The following HDAC8 variants were observed in gnomAD, a reference collection of about 807,000 sequenced individuals.
HDAC8 encodes the protein histone deacetylase-like 1.
In HDAC8, 1 loss-of-function variant was observed where a neutral mutation model predicts 32.2. The ratio of observed to expected loss-of-function variants is 0.03; its 90% confidence interval spans 0.01 to 0.15. The LOEUF (loss-of-function observed/expected upper bound fraction) is 0.15, where lower values mean the gene tolerates loss of function less well. Ranked by LOEUF, HDAC8 falls within the 10% of genes least tolerant of loss-of-function variation. The probability of loss-of-function intolerance (pLI) is 1.00; values close to 1 mark genes in which losing one functional copy is unlikely to be tolerated. For synonymous variants in HDAC8, 108 were observed against 113.9 expected, an observed-to-expected ratio of 0.95 and a Z score of 0.33; for missense variants, 117 against 300.0, an observed-to-expected ratio of 0.39 and a Z score of 4.51.
chrX:72,368,624 G>C (rs960001274), intron 9 of HDAC8, among the ~76,000 whole-genome samples: 2 of 112,121 alleles, frequency 1.8e-5, no homozygotes, highest in Non-Finnish European at 3.8e-5. Context: ...CAAAGTGCTG[G>C]GATTACAGGC....
intron 9 of HDAC8, among the ~76,000 whole-genome samples, chrX:72,453,148 G>GAAA (rs34701303): frequency 2.2e-5 from 2 of 91,039 alleles, no homozygotes; most frequent in African/African-American, 8.0e-5. Context: ...ATAAAAGACT[G>GAAA]AAAAAAAAAA....
chrX:72,493,565 G>C (rs1194708478), intron 5 of HDAC8, among the ~76,000 whole-genome samples: 1 of 111,680 alleles, frequency 9.0e-6, no homozygotes, highest in Non-Finnish European at 1.9e-5. Context: ...TGGCTAAATA[G>C]TAAACATTTT....
chrX:72,491,973 T>A (rs2048884628), intron 5 of HDAC8, among the ~76,000 whole-genome samples: 1 of 111,967 alleles, frequency 8.9e-6, no homozygotes, highest in African/African-American at 3.2e-5. Context: ...ACAGCGACTT[T>A]AAAAAAATAT....
At chrX:72,487,382 A>C (rs1319959545) in intron 7 of HDAC8, among the ~76,000 whole-genome samples, 2 of 111,872 alleles carry the variant, frequency 1.8e-5, no homozygotes, top group Admixed American at 1.9e-4. Context: ...AAGAAGGATA[A>C]ATAGACTTCC....
chrX:72,459,406 G>T (rs1303235476), intron 9 of HDAC8, among the ~76,000 whole-genome samples: 2 of 110,860 alleles, frequency 1.8e-5, no homozygotes, highest in African/African-American at 6.6e-5. Context: ...AGTAGGGAAC[G>T]GGCATTTGGA....
rs781878660 is a variant in HDAC8, at chrX:72,464,635, G to A, written c.834C>T (p.Asn278=). The change falls in exon 8 of 11, where the codon AAC becomes AAT. Residue 278 remains asparagine, a synonymous_variant. Transcript: ENST00000373573. The part of the protein sequence containing the change: ...TIAGDPMCSF[N]MTPVGIGKCL... ...ACTTGCCAATTCCCACTGGAGTCAT[G>A]TTAAAGGAGCACATGGGATCCCCAG... The A allele has an allele frequency of 4.2e-6, 5 of 1,202,868 alleles. No homozygotes were observed. The African/African-American group carries it at 8.8e-5, about 21-fold the overall frequency.
intron 9 of HDAC8, among the ~76,000 whole-genome samples, chrX:72,359,303 C>T (rs964911489): frequency 2.7e-5 from 3 of 109,897 alleles, no homozygotes; most frequent in Non-Finnish European, 5.7e-5. Context: ...TCCACAGCTC[C>T]TAACATAAGG....
chrX:72,338,941 G>T (rs1331004847), intron 10 of HDAC8, among the ~76,000 whole-genome samples: 2 of 108,514 alleles, frequency 1.8e-5, no homozygotes, highest in Non-Finnish European at 3.8e-5. Flanking sequence ...ACCTATTTTG[G>T]CCTCATCTAT....
At chrX:72,542,650 G>A (rs1556044118) in intron 4 of HDAC8, among the ~76,000 whole-genome samples, 1 of 111,978 alleles carries the variant, frequency 8.9e-6, no homozygotes, top group African/African-American at 3.2e-5. Flanking sequence ...ACACCAAGGA[G>A]TACTGAAAAG....
intron 4 of HDAC8, among the ~76,000 whole-genome samples, chrX:72,549,660 A>C (rs1448805936): frequency 8.9e-6 from 1 of 111,884 alleles, no homozygotes; most frequent in Non-Finnish European, 1.9e-5. Context: ...CCATAAGCAC[A>C]TGAATCTTCA....
At chrX:72,351,165 G>A in intron 10 of HDAC8, 1 of 167,089 alleles carries the variant, frequency 6.0e-6, no homozygotes, top group Non-Finnish European at 1.1e-5. Context: ...AGTGGTGTGG[G>A]CATGGCTCAC....
At chrX:72,419,601 T>C (rs1228288993) in intron 9 of HDAC8, among the ~76,000 whole-genome samples, 3 of 111,731 alleles carry the variant, frequency 2.7e-5, no homozygotes, top group African/African-American at 9.7e-5. Flanking sequence ...ATGCCTTTTA[T>C]TCATTTTTCT....
chrX:72,409,082 C>T lies in HDAC8; in HGVS notation c.1005+52922G>A, dbSNP rs782088368. Among the ~76,000 whole-genome samples, 36 of 112,232 alleles carry T rather than the reference C, an allele frequency of 3.2e-4. No homozygotes were observed. The East Asian group carries it at 8.7e-3, about 27-fold the overall frequency. On this transcript the variant is annotated intron_variant, in intron 9 of 10. Transcript: ENST00000373573. ...TTTTGAACTTTTCTACGTGTATATT[C>T]GTGACTCAAACTCAAATTGCTCTAA...
At chrX:72,477,459 T>C (rs1556001149) in intron 7 of HDAC8, among the ~76,000 whole-genome samples, 1 of 112,221 alleles carries the variant, frequency 8.9e-6, no homozygotes, top group African/African-American at 3.2e-5. Context: ...AGTGATTTGT[T>C]AACAATAAAC....
chrX:72,443,966 C>A (rs1416753363), intron 9 of HDAC8, among the ~76,000 whole-genome samples: 2 of 107,680 alleles, frequency 1.9e-5, no homozygotes, highest in East Asian at 3.0e-4. Context: ...AACACATACA[C>A]CCTCCCAAGA....
intron 4 of HDAC8, among the ~76,000 whole-genome samples, chrX:72,556,629 A>G (rs1556094471): frequency 8.9e-6 from 1 of 112,108 alleles, no homozygotes; most frequent in African/African-American, 3.2e-5. Context: ...AACAAACTTT[A>G]AAGCAACAGC....
At chrX:72,432,405 G>A (rs372396082) in intron 9 of HDAC8, among the ~76,000 whole-genome samples, 5 of 110,711 alleles carry the variant, frequency 4.5e-5, no homozygotes, top group East Asian at 2.9e-4. Flanking sequence ...GTCTGGTCCC[G>A]GCCCATTCCA....
At chrX:72,535,134 A>C (rs1476084389) in intron 4 of HDAC8, among the ~76,000 whole-genome samples, 3 of 112,098 alleles carry the variant, frequency 2.7e-5, no homozygotes, top group Non-Finnish European at 5.6e-5. Context: ...CCTTATTTTC[A>C]GTACTAGCTG....
chrX:72,470,825 T>C (rs1040202266), intron 7 of HDAC8, among the ~76,000 whole-genome samples: 5 of 112,225 alleles, frequency 4.5e-5, no homozygotes, highest in Non-Finnish European at 9.4e-5. Flanking sequence ...AGGAAAAAAA[T>C]ATTTTAAAAG....
Sources: allele counts gnomAD v4.1 joint callset (sites outside exome capture counted in the v4.1 genomes callset), GRCh38; gene constraint gnomAD v4.1.1; transcripts MANE v1.5; gene names NCBI Gene and HGNC (gene_info 2026-07-23, HGNC 2026-07-21).